Variants in PLD5 observed in about 807,000 individuals in gnomAD.
PLD5 encodes phospholipase D family member 5.
Under a neutral mutation model 61.1 loss-of-function variants are expected in PLD5, and 36 were observed. The ratio of observed to expected loss-of-function variants is 0.59; its 90% CI spans 0.45 to 0.78. PLD5 has a LOEUF of 0.78. Ranked by LOEUF, PLD5 falls within the 30% of genes least tolerant of loss-of-function variation. The probability of loss-of-function intolerance (pLI) is 0.00; values close to 1 mark genes in which losing one functional copy is unlikely to be tolerated. For missense variants in PLD5, 515 were observed against 644.4 expected (o/e 0.80, Z 2.17); for synonymous variants, 243 against 242.8 (o/e 1.00, Z -0.01).
chr1:242,361,890 TTTGGGAGGCCGAG>T lies in PLD5; in HGVS notation c.190-13661_190-13649del, dbSNP rs556922674. 1.4e-4 allele frequency among the ~76,000 whole-genome samples: 21 copies of T among 152,002 alleles called. No homozygotes were observed. The East Asian group carries it at 3.7e-3, about 27-fold the overall frequency. Reference sequence around the variant, plus strand: ...TGGCTCATGCCTGTAGTCCTAGCACTTTGGGAGGCCGAGGTGGGAGGATTGCTTGAGGCCAAGA... The same window carrying T: ...TGGCTCATGCCTGTAGTCCTAGCACTGTGGGAGGATTGCTTGAGGCCAAGA... On this transcript the variant is annotated intron_variant, in intron 1 of 9. Coordinates refer to ENST00000536534, the MANE Select transcript of PLD5 (RefSeq NM_001372062.1).
intron 1 of PLD5, among the ~76,000 whole-genome samples, chr1:242,383,377 T>A (rs1192063368): frequency 6.6e-6 from 1 of 152,138 alleles, no homozygotes; most frequent in Non-Finnish European, 1.5e-5. Flanking sequence ...TTAAGAAGTT[T>A]GTCTATGTCC....
chr1:242,524,204 G>A lies in PLD5; in HGVS notation c.73C>T (p.Arg25Cys), dbSNP rs1016360895. 291 of 1,533,546 alleles carry A rather than the reference G, an allele frequency of 1.9e-4. No homozygotes were observed. Among genetic ancestry groups the A allele is most frequent in the Non-Finnish European group, 2.4e-4 (280 of 1,145,788 alleles). 95.0% of individuals were successfully genotyped at this position (1,533,546 alleles called of 1,614,324 possible). Reference protein sequence around the residue: ...EGFEQMRLKSRPKEPSPSLTR... With the variant: ...EGFEQMRLKSCPKEPSPSLTR... ...AGGCTTGGGGAGGGCTCCTTGGGGCGGCTTTTGAGCCTCATCTGCTCGAAG... is the reference window on the plus strand; with the variant it reads ...AGGCTTGGGGAGGGCTCCTTGGGGCAGCTTTTGAGCCTCATCTGCTCGAAG... Residue 25 changes from arginine (R) to cysteine (C), a missense_variant, in exon 1 of 10, where the codon CGC becomes TGC. By Grantham distance (180) the Arg-to-Cys change is radical. This residue lies in a region of PLD5 where 65 missense variants were observed against 46.3 expected (regional missense o/e 1.40). Coordinates refer to ENST00000536534, the MANE Select transcript of PLD5 (RefSeq NM_001372062.1).
At chr1:242,505,486 C>T (rs931997777) in intron 1 of PLD5, among the ~76,000 whole-genome samples, 12 of 151,852 alleles carry the variant, frequency 7.9e-5, no homozygotes, top group Non-Finnish European at 2.9e-5. Context: ...TGTCCATCAA[C>T]TGATGAACAG....
chr1:242,501,586 C>A (rs939801913), intron 1 of PLD5, among the ~76,000 whole-genome samples: 17 of 151,972 alleles, frequency 1.1e-4, no homozygotes, highest in Admixed American at 1.1e-3. Context: ...GAAAACTAAA[C>A]CTATTTACAT....
At chr1:242,487,675 G>A (rs531102559) in intron 1 of PLD5, among the ~76,000 whole-genome samples, 1 of 152,158 alleles carries the variant, frequency 6.6e-6, no homozygotes, top group South Asian at 2.1e-4. Flanking sequence ...AATACACTAA[G>A]AACTCCTAAA....
chr1:242,125,783 T>C (rs1309280703), intron 5 of PLD5, among the ~76,000 whole-genome samples: 2 of 152,104 alleles, frequency 1.3e-5, no homozygotes, highest in South Asian at 2.1e-4. Flanking sequence ...TCATCTACCA[T>C]GTATGAACCT....
At chr1:242,320,390 G>A (rs188492937) in intron 2 of PLD5, among the ~76,000 whole-genome samples, 34 of 152,344 alleles carry the variant, frequency 2.2e-4, no homozygotes, top group African/African-American at 7.7e-4. Context: ...TGCCATGAAA[G>A]TGGTGGAGGC....
chr1:242,429,872 T>C (rs1665625466), intron 1 of PLD5, among the ~76,000 whole-genome samples: 1 of 152,236 alleles, frequency 6.6e-6, no homozygotes, highest in South Asian at 2.1e-4. Context: ...ATATCTATGA[T>C]ACAAATGTAA....
intron 5 of PLD5, among the ~76,000 whole-genome samples, chr1:242,181,299 C>T (rs570412157): frequency 1.3e-5 from 2 of 152,250 alleles, no homozygotes; most frequent in East Asian, 1.9e-4. Flanking sequence ...CTGTCTGATA[C>T]AGTAGTGAAA....
intron 9 of PLD5, 91 bp downstream of exon 9, chr1:242,100,577 G>T (rs1285868010): frequency 5.5e-6 from 5 of 909,322 alleles, no homozygotes; most frequent in Non-Finnish European, 7.1e-6. Context: ...CCAAGGCCTT[G>T]CTTCCTCACC....
rs539823661 is a variant in PLD5 at position 242,301,295 on chromosome 1, C to T, written c.327-12765G>A. The stretch of plus-strand genomic sequence containing the variant: ...TCCAATTTAGCCTTTGTCATTAAGG[C>T]GATCATTTGGCCTGCATCTGCTACT... On this transcript the variant is annotated intron_variant, in intron 2 of 9. Transcript: ENST00000536534. Among the ~76,000 whole-genome samples, 9 of 152,268 alleles carry T rather than the reference C, an allele frequency of 5.9e-5. No homozygotes were observed. The South Asian group carries it at 1.2e-3, about 21-fold the overall frequency.
intron 2 of PLD5, among the ~76,000 whole-genome samples, chr1:242,321,304 T>G (rs1276304294): frequency 1.3e-5 from 2 of 149,720 alleles, no homozygotes; most frequent in Non-Finnish European, 3.0e-5. Flanking sequence ...TTTCTCTCTC[T>G]CTCTCTTTTT....
chr1:242,259,774 G>A (rs969966001), intron 4 of PLD5, among the ~76,000 whole-genome samples: 2 of 151,192 alleles, frequency 1.3e-5, no homozygotes, highest in Non-Finnish European at 2.9e-5. Context: ...ATTAAATATT[G>A]TAGTCATATT....
chr1:242,449,961 G>A (rs1018502898), intron 1 of PLD5, among the ~76,000 whole-genome samples: 3 of 152,206 alleles, frequency 2.0e-5, no homozygotes, highest in Non-Finnish European at 2.9e-5. Flanking sequence ...AATCTGAACA[G>A]GTGGAAAGAA....
At chr1:242,318,766 G>A (rs12093420) in intron 2 of PLD5, among the ~76,000 whole-genome samples, 16,345 of 151,824 alleles carry the variant, frequency 0.11, 1,237 homozygotes, top group East Asian at 0.32. Flanking sequence ...CTGGGATTAC[G>A]GGCATGAGCC....
At chr1:242,517,534 A>C (rs1031939473) in intron 1 of PLD5, among the ~76,000 whole-genome samples, 1 of 152,174 alleles carries the variant, frequency 6.6e-6, no homozygotes, top group Admixed American at 6.5e-5. Flanking sequence ...GAATAAAATG[A>C]ATTTTGTTAT....
intron 5 of PLD5, among the ~76,000 whole-genome samples, chr1:242,197,003 A>G (rs1668675838): frequency 6.6e-6 from 1 of 151,928 alleles, no homozygotes; most frequent in Non-Finnish European, 1.5e-5. Context: ...GGCTCAAGTG[A>G]CCCTCCCACC....
chr1:242,441,790 G>A (rs1033561388), intron 1 of PLD5, among the ~76,000 whole-genome samples: 1 of 151,932 alleles, frequency 6.6e-6, no homozygotes, highest in African/African-American at 2.4e-5. Flanking sequence ...CATTGTACTT[G>A]GCAACTCTTC....
At chr1:242,425,639 CTTTTTTT>C (rs35709516) in intron 1 of PLD5, among the ~76,000 whole-genome samples, 6 of 129,894 alleles carry the variant, frequency 4.6e-5, no homozygotes, top group East Asian at 2.1e-4. Context: ...CTTACTGTAA[CTTTTTTT>C]TTTTTTTTTT....
Sources: allele counts gnomAD v4.1 joint callset (sites outside exome capture counted in the v4.1 genomes callset), GRCh38; gene constraint gnomAD v4.1.1; regional missense constraint gnomAD v4.1.1; transcripts MANE v1.5; gene names NCBI Gene and HGNC (gene_info 2026-07-23, HGNC 2026-07-21).